The following ZRANB3 variants were observed in gnomAD, a reference collection of about 807,000 sequenced individuals.
The protein encoded by ZRANB3 is zinc finger RANBP2-type containing 3.
Under a neutral mutation model 133.8 loss-of-function variants are expected in ZRANB3, and 125 were observed. That is an observed-to-expected ratio of 0.93 (90% CI 0.81 to 1.08). The LOEUF (loss-of-function observed/expected upper bound fraction) is 1.08, where lower values mean the gene tolerates loss of function less well. Ranked by LOEUF, ZRANB3 falls within the 50% of genes least tolerant of loss-of-function variation. The pLI is 0.00. For missense variants in ZRANB3, 1,229 were observed against 1,275.5 expected (o/e 0.96, Z 0.56); for synonymous variants, 387 against 432.7 (o/e 0.89, Z 1.31).
intron 2 of ZRANB3, among the ~76,000 whole-genome samples, chr2:135,474,846 G>T (rs1159101966): frequency 6.6e-6 from 1 of 152,234 alleles, no homozygotes; most frequent in East Asian, 1.9e-4. Context: ...GGTGTTCAAA[G>T]TTATTTCTTC....
intron 2 of ZRANB3, among the ~76,000 whole-genome samples, chr2:135,442,709 G>A (rs949425150): frequency 4.6e-5 from 7 of 152,082 alleles, no homozygotes; most frequent in Admixed American, 2.6e-4. Flanking sequence ...TATATCCAAA[G>A]GATTATAAAT....
chr2:135,472,897 G>T (rs1691335039), intron 2 of ZRANB3, among the ~76,000 whole-genome samples: 3 of 152,080 alleles, frequency 2.0e-5, no homozygotes, highest in Non-Finnish European at 4.4e-5. Flanking sequence ...TACATCGTAG[G>T]GTTGTAGCCT....
At chr2:135,233,381 C>G (rs1417508158) in intron 12 of ZRANB3, among the ~76,000 whole-genome samples, 1 of 152,164 alleles carries the variant, frequency 6.6e-6, no homozygotes, top group Non-Finnish European at 1.5e-5. Flanking sequence ...AGGATATTAT[C>G]CGGGAGAACT....
rs1230537371 is a variant in ZRANB3, at chr2:135,239,125, C to G, written c.1540-8198G>C. ...CCCTGTAGATAATGATAGCAAAATA[C>G]CATATATTGTAAATGATATTTTACA... is the stretch of plus-strand genomic sequence containing the variant. On this transcript the variant is annotated intron_variant, in intron 12 of 20. Coordinates refer to ENST00000264159, the MANE Select transcript of ZRANB3 (RefSeq NM_032143.4). 2.0e-5 allele frequency among the ~76,000 whole-genome samples: 3 copies of G among 152,188 alleles called. No homozygotes were observed. In the East Asian group the frequency reaches 5.8e-4, roughly 29 times the overall value.
intron 2 of ZRANB3, among the ~76,000 whole-genome samples, chr2:135,469,706 T>C (rs903764404): frequency 1.3e-5 from 2 of 152,010 alleles, no homozygotes; most frequent in Non-Finnish European, 1.5e-5. Context: ...TTGGATAATA[T>C]AATAAATACA....
chr2:135,276,365 G>A (rs1361275305), intron 8 of ZRANB3, among the ~76,000 whole-genome samples: 1 of 151,826 alleles, frequency 6.6e-6, no homozygotes, highest in African/African-American at 2.4e-5. Context: ...GGTTCCAGAA[G>A]AGGCTGGAGT....
intron 3 of ZRANB3, among the ~76,000 whole-genome samples, chr2:135,380,591 A>T (rs1022305485): frequency 2.0e-5 from 3 of 152,220 alleles, no homozygotes; most frequent in African/African-American, 7.2e-5. Context: ...TAAAGGCAGA[A>T]ATAAAGATGT....
At chr2:135,482,366 C>G (rs1283013318) in intron 2 of ZRANB3, among the ~76,000 whole-genome samples, 1 of 143,344 alleles carries the variant, frequency 7.0e-6, no homozygotes, top group East Asian at 2.0e-4. Context: ...GTATTTTATT[C>G]TCTTTGAAGC....
At chr2:135,394,701 A>G (rs1205137354) in intron 2 of ZRANB3, among the ~76,000 whole-genome samples, 2 of 152,156 alleles carry the variant, frequency 1.3e-5, no homozygotes, top group Non-Finnish European at 2.9e-5. Context: ...TGGTTAAGGT[A>G]GTAAATTTTA....
At chr2:135,249,913 C>T (rs1288795104) in intron 12 of ZRANB3, among the ~76,000 whole-genome samples, 7 of 152,044 alleles carry the variant, frequency 4.6e-5, no homozygotes, top group East Asian at 1.9e-4. Flanking sequence ...TAGAGTGGGG[C>T]GTTGCTGACA....
At chr2:135,484,395 C>T (rs1691996125) in intron 2 of ZRANB3, among the ~76,000 whole-genome samples, 1 of 152,096 alleles carries the variant, frequency 6.6e-6, no homozygotes, top group Admixed American at 6.6e-5. Context: ...TGACAAATAG[C>T]AAATGTTCTT....
intron 2 of ZRANB3, among the ~76,000 whole-genome samples, chr2:135,495,474 A>C (rs1318676244): frequency 6.6e-6 from 1 of 152,216 alleles, no homozygotes; most frequent in Admixed American, 6.5e-5. Context: ...ACCTACTCTC[A>C]AATGGTTTAT....
chr2:135,294,738 C>G (rs145568157), intron 8 of ZRANB3, among the ~76,000 whole-genome samples: 6,759 of 152,004 alleles, frequency 0.044, 504 homozygotes, highest in African/African-American at 0.16. Context: ...GCATTTAGTG[C>G]TATAAATTTC....
chr2:135,228,137 A>T, intron 13 of ZRANB3, 122 bp from the exon 14 acceptor site: 1 of 844,704 alleles, frequency 1.2e-6, no homozygotes, highest in South Asian at 2.0e-5. Flanking sequence ...TGTTCAAAAC[A>T]TTTATCAGGA....
chr2:135,243,713 G>T (rs1344284747), intron 12 of ZRANB3, among the ~76,000 whole-genome samples: 12 of 151,950 alleles, frequency 7.9e-5, no homozygotes, highest in Admixed American at 7.9e-4. Context: ...TAGCCTTCTG[G>T]GCTCAAGAGA....
intron 1 of ZRANB3, among the ~76,000 whole-genome samples, chr2:135,515,411 G>A (rs1034003038): frequency 4.6e-5 from 7 of 152,054 alleles, no homozygotes; most frequent in African/African-American, 4.8e-5. Context: ...GCTTTCTCCT[G>A]TGGGCATTTA....
In ZRANB3 at chr2:135,230,779, T is replaced by C. The variant is rs572288406; in HGVS notation, c.1688A>G (p.Asp563Gly). 68 of 1,613,932 alleles carry C rather than the reference T, an allele frequency of 4.2e-5. 1 individual carries two copies. In the South Asian group the frequency reaches 6.5e-4, roughly 15 times the overall value. The stretch of plus-strand genomic sequence containing the variant: ...AACATCACTTTCATAATCGATGATA[T>C]CTCTTGCAGCTGTTTTTGTAGGGTC... ...SSDPTKTAAR[D>G]IIDYESDVEP... The change falls in exon 13 of 21, where the codon GAT (aspartate) becomes GGT (glycine). Residue 563 changes from aspartate to glycine, a missense_variant. Asp to Gly is a moderately conservative substitution (Grantham distance 94). Coordinates refer to ENST00000264159, the MANE Select transcript of ZRANB3 (RefSeq NM_032143.4).
At chr2:135,371,869 C>G (rs934041785) in intron 3 of ZRANB3, among the ~76,000 whole-genome samples, 12 of 152,084 alleles carry the variant, frequency 7.9e-5, no homozygotes, top group Non-Finnish European at 7.4e-5. Flanking sequence ...TGAACCAGAT[C>G]AGTGTCCTTT....
chr2:135,270,569 C>G (rs1377784710), intron 10 of ZRANB3, among the ~76,000 whole-genome samples: 2 of 152,286 alleles, frequency 1.3e-5, no homozygotes, highest in African/African-American at 4.8e-5. Flanking sequence ...ATTTCTAATT[C>G]TAAGCCCTTT....
Sources: allele counts gnomAD v4.1 joint callset (sites outside exome capture counted in the v4.1 genomes callset), GRCh38; gene constraint gnomAD v4.1.1; transcripts MANE v1.5; gene names NCBI Gene and HGNC (gene_info 2026-07-23, HGNC 2026-07-21).